PLEKHA7: variants seen among roughly 807,000 people sequenced by gnomAD.
The protein encoded by PLEKHA7 is pleckstrin homology domain-containing family A member 7.
In PLEKHA7, 104 loss-of-function variants were observed where a neutral mutation model predicts 170.0. The observed-to-expected ratio is 0.61, with a 90% confidence interval of 0.52 to 0.72. PLEKHA7 has a LOEUF of 0.72. Ranked by LOEUF, PLEKHA7 falls within the 30% of genes least tolerant of loss-of-function variation. The pLI, the probability that PLEKHA7 is intolerant of heterozygous loss-of-function variation, is 0.00. For synonymous variants in PLEKHA7, 648 were observed against 660.8 expected (o/e 0.98, Z 0.30); for missense variants, 1,615 against 1,671.7 (o/e 0.97, Z 0.59).
intron 3 of PLEKHA7, among the ~76,000 whole-genome samples, chr11:16,967,863 A>C (rs1862467399): frequency 6.6e-6 from 1 of 152,054 alleles, no homozygotes; most frequent in African/African-American, 2.4e-5. Context: ...TCACCAGCCA[A>C]CTTCAGACCT....
intron 3 of PLEKHA7, among the ~76,000 whole-genome samples, chr11:16,876,649 A>T (rs993582752): frequency 7.9e-5 from 12 of 152,250 alleles, no homozygotes; most frequent in African/African-American, 2.9e-4. Flanking sequence ...AGACTTGATA[A>T]GAGAATAAAG....
rs752931256 is a variant in PLEKHA7, at chr11:16,791,054, T to C, written c.2891A>G (p.Lys964Arg). Residue 964 changes from lysine to arginine, a missense_variant, in exon 20 of 27, where the codon AAG (lysine) becomes AGG (arginine). By Grantham distance (26) the Lys-to-Arg change is conservative (BLOSUM62 2). Transcript: ENST00000531066. This position sits in a 1 kb window ranked among gnomAD's most constrained non-coding sequence, Gnocchi z 4.5. Reference sequence around the variant, plus strand: ...ACACTGCCCCAGCTCCCGGTCTCGCTTCCTCTCGTCTGACTGCCGCTTGAG... The same window carrying C: ...ACACTGCCCCAGCTCCCGGTCTCGCCTCCTCTCGTCTGACTGCCGCTTGAG... Reference protein sequence around the residue: ...RGLKRQSDERKRDRELGQCVN... With the variant: ...RGLKRQSDERRRDRELGQCVN... 3.7e-6 allele frequency: 6 copies of C among 1,613,998 alleles called. No individual in the cohort carries two copies. The highest frequency in any genetic ancestry group is 5.1e-6 in the Non-Finnish European group (6 of 1,180,026).
chr11:16,858,067 G>A (rs1853618181), intron 4 of PLEKHA7, among the ~76,000 whole-genome samples: 2 of 152,126 alleles, frequency 1.3e-5, no homozygotes, highest in African/African-American at 4.8e-5. Context: ...AGACATTTTA[G>A]GCTTATTACA....
rs186954978 is a variant in PLEKHA7 at position 16,850,303 on chromosome 11, C to T, written c.696+888G>A. Among the ~76,000 whole-genome samples, 29 of 152,344 alleles carry T rather than the reference C, an allele frequency of 1.9e-4. 1 individual carries two copies. Among genetic ancestry groups the T allele is most frequent in the Admixed American group, 1.3e-3 (20 of 15,304 alleles). On this transcript the variant is annotated intron_variant, in intron 8 of 26. Coordinates refer to ENST00000531066, the MANE Select transcript of PLEKHA7 (RefSeq NM_001329630.2). The stretch of plus-strand genomic sequence containing the variant: ...GACAGGAGCCCCTACTCCAGCTTGA[C>T]GTGTACGACATTGCCTCATATCTTA...
At chr11:16,894,031 C>T (rs1856843446) in intron 3 of PLEKHA7, among the ~76,000 whole-genome samples, 1 of 152,200 alleles carries the variant, frequency 6.6e-6, no homozygotes, top group African/African-American at 2.4e-5. Context: ...CTCCTCTTTC[C>T]AACTGCCCCT....
intron 3 of PLEKHA7, among the ~76,000 whole-genome samples, chr11:16,890,504 T>C (rs1366364017): frequency 6.6e-6 from 1 of 152,192 alleles, no homozygotes; most frequent in Non-Finnish European, 1.5e-5. Flanking sequence ...TTATATCAGA[T>C]AAAACAGACT....
intron 8 of PLEKHA7, among the ~76,000 whole-genome samples, chr11:16,850,954 C>T (rs1032848160): frequency 3.9e-5 from 6 of 152,116 alleles, no homozygotes; most frequent in Non-Finnish European, 7.4e-5. Flanking sequence ...CTGGCAGTGA[C>T]AGGAAGGAGG....
At chr11:16,860,915 T>G (rs1166908272) in intron 4 of PLEKHA7, among the ~76,000 whole-genome samples, 1 of 152,164 alleles carries the variant, frequency 6.6e-6, no homozygotes, top group Non-Finnish European at 1.5e-5. Flanking sequence ...GCAAATTAAG[T>G]GGAAACCACC....
At chr11:16,996,312 G>C (rs747532179) in intron 3 of PLEKHA7, among the ~76,000 whole-genome samples, 1 of 152,196 alleles carries the variant, frequency 6.6e-6, no homozygotes, top group Non-Finnish European at 1.5e-5. Context: ...TCAGGAGTGA[G>C]AACAGCTGAA....
At chr11:16,958,731 A>C (rs1415579165) in intron 3 of PLEKHA7, among the ~76,000 whole-genome samples, 1 of 152,238 alleles carries the variant, frequency 6.6e-6, no homozygotes, top group African/African-American at 2.4e-5. Context: ...TCTAGAAGGA[A>C]ATATGCTAAA....
intron 23 of PLEKHA7, 76 bp from the exon 24 acceptor site, chr11:16,786,463 G>A: frequency 6.6e-7 from 1 of 1,523,416 alleles, no homozygotes; most frequent in Non-Finnish European, 8.8e-7. Context: ...CTTTTTCCAT[G>A]GGGTCCTTTG....
intron 3 of PLEKHA7, among the ~76,000 whole-genome samples, chr11:16,940,621 C>T (rs1237525478): frequency 6.6e-6 from 1 of 151,828 alleles, no homozygotes; most frequent in Non-Finnish European, 1.5e-5. Flanking sequence ...CTAACAGATG[C>T]TTTGTACTAG....
At chr11:16,976,761 G>C (rs1206066501) in intron 3 of PLEKHA7, among the ~76,000 whole-genome samples, 6 of 152,232 alleles carry the variant, frequency 3.9e-5, no homozygotes, top group Admixed American at 3.3e-4. Flanking sequence ...ATGTCTTCCT[G>C]TCATTTTTTT....
chr11:16,914,979 C>A (rs1858529741), intron 3 of PLEKHA7, among the ~76,000 whole-genome samples: 1 of 152,152 alleles, frequency 6.6e-6, no homozygotes. Flanking sequence ...GACTTATACC[C>A]CACTCCCAGT....
chr11:16,890,497 T>C (rs1351456618), intron 3 of PLEKHA7, among the ~76,000 whole-genome samples: 1 of 152,240 alleles, frequency 6.6e-6, no homozygotes, highest in Non-Finnish European at 1.5e-5. Flanking sequence ...GCTATACTTA[T>C]ATCAGATAAA....
At chr11:16,967,962 T>C (rs1257833737) in intron 3 of PLEKHA7, among the ~76,000 whole-genome samples, 1 of 151,914 alleles carries the variant, frequency 6.6e-6, no homozygotes, top group Non-Finnish European at 1.5e-5. Context: ...TCCCTTGGCA[T>C]GGAAAGAGGG....
intron 4 of PLEKHA7, among the ~76,000 whole-genome samples, chr11:16,869,266 C>T (rs1214601212): frequency 6.6e-6 from 1 of 152,218 alleles, no homozygotes; most frequent in East Asian, 1.9e-4. Flanking sequence ...ACTGTCATCT[C>T]CCATGGACCA....
intron 3 of PLEKHA7, among the ~76,000 whole-genome samples, chr11:16,965,620 A>C (rs974753960): frequency 1.3e-5 from 2 of 152,162 alleles, no homozygotes; most frequent in Non-Finnish European, 2.9e-5. Flanking sequence ...ACCCTACTCC[A>C]GCTCAAAGCC....
intron 15 of PLEKHA7, among the ~76,000 whole-genome samples, chr11:16,802,132 A>C (rs886085760): frequency 6.6e-6 from 1 of 152,234 alleles, no homozygotes; most frequent in African/African-American, 2.4e-5. Flanking sequence ...AAAACAAAAA[A>C]CAAAAACCTC....
Sources: allele counts gnomAD v4.1 joint callset (sites outside exome capture counted in the v4.1 genomes callset), GRCh38; gene constraint gnomAD v4.1.1; non-coding constraint Gnocchi (gnomAD v3.1); transcripts MANE v1.5; gene names NCBI Gene and HGNC (gene_info 2026-07-23, HGNC 2026-07-21).